Variants in ATXN1 observed in about 807,000 individuals in gnomAD.
ATXN1 encodes ataxin 1.
In ATXN1, 8 loss-of-function variants were observed where a neutral mutation model predicts 56.4. The observed-to-expected ratio is 0.14, with a 90% CI of 0.08 to 0.26. The LOEUF is 0.26. Among genes scored for constraint, ATXN1 ranks in the 10% least tolerant of loss-of-function variants. The pLI, the probability that ATXN1 is intolerant of heterozygous loss-of-function variation, is 1.00. For missense variants in ATXN1, 987 were observed against 1,106.5 expected, an observed-to-expected ratio of 0.89 and a Z score of 1.53; for synonymous variants, 514 against 494.6, an observed-to-expected ratio of 1.04 and a Z score of -0.52.
chr6:16,687,091 C>T (rs1348049188), intron 2 of ATXN1, among the ~76,000 whole-genome samples: 1 of 152,168 alleles, frequency 6.6e-6, no homozygotes, highest in Non-Finnish European at 1.5e-5. Flanking sequence ...AAGCCATTGG[C>T]ATGTAATTAC....
chr6:16,494,439 C>T (rs1324147710), intron 5 of ATXN1, among the ~76,000 whole-genome samples: 1 of 152,182 alleles, frequency 6.6e-6, no homozygotes, highest in Non-Finnish European at 1.5e-5. Context: ...CTAAAGAACA[C>T]ATTATCAGAG....
intron 2 of ATXN1, among the ~76,000 whole-genome samples, chr6:16,691,104 T>C (rs1413564387): frequency 6.6e-6 from 1 of 152,238 alleles, no homozygotes; most frequent in African/African-American, 2.4e-5. Flanking sequence ...ACCACCTTCA[T>C]GCATTCTGCA....
At chr6:16,696,645 C>T (rs929930599) in intron 2 of ATXN1, among the ~76,000 whole-genome samples, 3 of 152,034 alleles carry the variant, frequency 2.0e-5, no homozygotes, top group East Asian at 3.9e-4. Context: ...GAAGTAAGAA[C>T]AAAAGTGAAT....
chr6:16,749,490 C>T (rs772612684), intron 2 of ATXN1, among the ~76,000 whole-genome samples: 2 of 152,108 alleles, frequency 1.3e-5, no homozygotes, highest in Non-Finnish European at 2.9e-5. Flanking sequence ...AGCTCAAGTT[C>T]CTATTTTTTT....
At chr6:16,537,431 G>A (rs1023010241) in intron 4 of ATXN1, among the ~76,000 whole-genome samples, 1 of 152,066 alleles carries the variant, frequency 6.6e-6, no homozygotes, top group African/African-American at 2.4e-5. Context: ...CTGGCCGGGC[G>A]CGGTGGCTCA....
At chr6:16,689,521 C>CTTTTTTTTTTTT (rs11374047) in intron 2 of ATXN1, among the ~76,000 whole-genome samples, 177 of 105,218 alleles carry the variant, frequency 1.7e-3, no homozygotes, top group Non-Finnish European at 2.5e-3. Context: ...TTTTTTTTTT[C>CTTTTTTTTTTTT]TTTTTTTTTT....
intron 6 of ATXN1, among the ~76,000 whole-genome samples, chr6:16,468,461 T>A (rs936448210): frequency 4.6e-5 from 7 of 152,186 alleles, no homozygotes; most frequent in Non-Finnish European, 7.3e-5. Context: ...AGTGCTGGGA[T>A]TACAGGCGTG....
chr6:16,501,511 TC>T (rs1760885118), intron 5 of ATXN1, among the ~76,000 whole-genome samples: 1 of 152,114 alleles, frequency 6.6e-6, no homozygotes, highest in South Asian at 2.1e-4. Flanking sequence ...TGTGTGATGT[TC>T]CCCTCCCTGT....
intron 4 of ATXN1, among the ~76,000 whole-genome samples, chr6:16,529,012 C>G (rs35211918): frequency 6.6e-6 from 1 of 152,068 alleles, no homozygotes; most frequent in African/African-American, 2.4e-5. Flanking sequence ...AACCCCATCT[C>G]TACTAAAAAT....
chr6:16,622,742 G>A (rs1763340702), intron 3 of ATXN1, among the ~76,000 whole-genome samples: 2 of 152,058 alleles, frequency 1.3e-5, no homozygotes, highest in African/African-American at 4.8e-5. Flanking sequence ...TACTATGCAG[G>A]GTACTTAGAA....
chr6:16,693,715 A>G (rs1162915825), intron 2 of ATXN1, among the ~76,000 whole-genome samples: 2 of 152,186 alleles, frequency 1.3e-5, no homozygotes, highest in African/African-American at 2.4e-5. Context: ...AAGTACCTTC[A>G]GGGAAAGATT....
At chr6:16,340,698 T>C (rs1005075416) in intron 6 of ATXN1, among the ~76,000 whole-genome samples, 5 of 152,250 alleles carry the variant, frequency 3.3e-5, no homozygotes, top group African/African-American at 4.8e-5. Context: ...TAGCTAGTGA[T>C]GGTTATACAC....
At chr6:16,418,658 T>C (rs1240680335) in intron 6 of ATXN1, among the ~76,000 whole-genome samples, 1 of 150,374 alleles carries the variant, frequency 6.7e-6, no homozygotes, top group South Asian at 2.1e-4. Flanking sequence ...GCTGCACCCA[T>C]TAACTCGTCA....
chr6:16,660,832 GTTT>G (rs754718969), intron 2 of ATXN1, among the ~76,000 whole-genome samples: 2 of 93,030 alleles, frequency 2.1e-5, no homozygotes, highest in East Asian at 3.4e-4. Flanking sequence ...TTTTGTTTTG[GTTT>G]TTTTTTTTTT....
At chr6:16,590,821 C>T (rs1329024064) in intron 3 of ATXN1, among the ~76,000 whole-genome samples, 3 of 151,880 alleles carry the variant, frequency 2.0e-5, no homozygotes, top group Non-Finnish European at 4.4e-5. Context: ...AGGCACACGC[C>T]ACCATGCCTG....
intron 3 of ATXN1, among the ~76,000 whole-genome samples, chr6:16,646,486 A>G (rs1763800024): frequency 6.6e-6 from 1 of 152,224 alleles, no homozygotes; most frequent in African/African-American, 2.4e-5. Context: ...GTTCACACTC[A>G]CCGTTATCAT....
chr6:16,468,441 G>A (rs1426525197), intron 6 of ATXN1, among the ~76,000 whole-genome samples: 1 of 152,074 alleles, frequency 6.6e-6, no homozygotes, highest in African/African-American at 2.4e-5. Context: ...TGCCCGCCTC[G>A]GCCTCCTAAA....
chr6:16,562,263 T>C (rs938136352), intron 4 of ATXN1, among the ~76,000 whole-genome samples: 4 of 150,060 alleles, frequency 2.7e-5, no homozygotes, highest in Non-Finnish European at 5.9e-5. Flanking sequence ...GTCCCAGCTA[T>C]TTGGGAGGCT....
At chr6:16,490,133 C>T (rs77184786) in intron 5 of ATXN1, among the ~76,000 whole-genome samples, 3 of 33,810 alleles carry the variant, frequency 8.9e-5, no homozygotes, top group Non-Finnish European at 1.8e-4. Context: ...CGACAAATGA[C>T]CAAAAAAAAA....
Sources: gnomAD v4.1 joint callset for allele counts (sites outside exome capture counted in the v4.1 genomes callset) on GRCh38, gnomAD v4.1.1 for gene constraint, MANE v1.5 for transcripts, NCBI Gene and HGNC (gene_info 2026-07-23, HGNC 2026-07-21) for gene names.